Variants in RPA1 observed in about 807,000 individuals in gnomAD.
The protein encoded by RPA1 is replication protein A 70 kDa DNA-binding subunit.
In RPA1, 49 loss-of-function variants were observed where a neutral mutation model predicts 83.0. The observed-to-expected ratio is 0.59, with a 90% CI of 0.47 to 0.75. RPA1 has a LOEUF of 0.75. Ranked by LOEUF, RPA1 falls within the 30% of genes least tolerant of loss-of-function variation. The pLI is 0.00. For synonymous variants in RPA1, 279 were observed against 281.8 expected, an observed-to-expected ratio of 0.99 and a Z score of 0.10; for missense variants, 693 against 776.1, an observed-to-expected ratio of 0.89 and a Z score of 1.27.
chr17:1,893,507 C>G (rs537204077), intron 15 of RPA1, among the ~76,000 whole-genome samples: 201 of 152,354 alleles, frequency 1.3e-3, no homozygotes, highest in Non-Finnish European at 2.2e-3. Context: ...AGCAAAGCTG[C>G]TTTCACGCCG....
At chr17:1,860,772 G>A (rs886088758) in intron 5 of RPA1, among the ~76,000 whole-genome samples, 3 of 152,052 alleles carry the variant, frequency 2.0e-5, no homozygotes, top group Non-Finnish European at 2.9e-5. Flanking sequence ...CCTGGCCCTC[G>A]GACCGAATGC....
chr17:1,844,133 T>C, intron 3 of RPA1, 135 bp downstream of exon 3: 2 of 672,778 alleles, frequency 3.0e-6, no homozygotes, highest in South Asian at 3.8e-5. Context: ...TCAGACAGAA[T>C]TGCAGCTGTC....
At chr17:1,843,731 T>C (rs537199279) in intron 2 of RPA1, among the ~76,000 whole-genome samples, 189 bp from the exon 3 acceptor site, 1 of 151,878 alleles carries the variant, frequency 6.6e-6, no homozygotes, top group Admixed American at 6.6e-5. Flanking sequence ...TGTTTAATAA[T>C]GTTAGTGGAG....
rs149206291 is a variant in RPA1 at position 1,848,023 on chromosome 17, C to G, written c.272+3337C>G. 6.6e-5 allele frequency among the ~76,000 whole-genome samples: 10 copies of G among 151,698 alleles called. No homozygotes were observed. In the South Asian group the frequency reaches 2.1e-3, roughly 32 times the overall value. ...AGACCCCATCTCCAAAAAAAAAAAG[C>G]GTATCTCTGAATAGACAAATCCATA... On this transcript the variant is annotated intron_variant, in intron 4 of 16. Transcript: ENST00000254719.
intron 1 of RPA1, among the ~76,000 whole-genome samples, chr17:1,838,235 G>C (rs898225568): frequency 6.6e-6 from 1 of 152,028 alleles, no homozygotes; most frequent in Non-Finnish European, 1.5e-5. Context: ...AGCTTGTAGT[G>C]AGCCAAGATC....
intron 4 of RPA1, among the ~76,000 whole-genome samples, chr17:1,850,426 AC>A (rs951393662): frequency 1.1e-4 from 16 of 150,606 alleles, no homozygotes; most frequent in African/African-American, 3.9e-4. Flanking sequence ...AGTCCCAGCT[AC>A]TCGGGAGGCT....
At chr17:1,875,553 A>G (rs1913541158) in intron 6 of RPA1, 108 bp from the exon 7 acceptor site, 1 of 1,183,636 alleles carries the variant, frequency 8.4e-7, no homozygotes, top group Non-Finnish European at 1.2e-6. Context: ...CTCATGTTAT[A>G]TGATTTCACT....
intron 8 of RPA1, among the ~76,000 whole-genome samples, chr17:1,878,600 G>A (rs926719734): frequency 2.6e-5 from 4 of 152,186 alleles, no homozygotes; most frequent in African/African-American, 4.8e-5. Flanking sequence ...GGAGGGAGCC[G>A]GTGAATCACC....
At chr17:1,891,812 A>C in intron 14 of RPA1, 21 bp from the exon 15 acceptor site, 5 of 1,420,676 alleles carry the variant, frequency 3.5e-6, no homozygotes, top group Non-Finnish European at 4.9e-6. Context: ...TGCTGAAATA[A>C]TGTAGAATTG....
At chr17:1,882,015 C>T (rs964667104) in intron 12 of RPA1, among the ~76,000 whole-genome samples, 2 of 151,934 alleles carry the variant, frequency 1.3e-5, no homozygotes, top group African/African-American at 4.8e-5. Context: ...GGGATTTAGC[C>T]GCTTACCTGA....
At chr17:1,896,886 A>G (rs1017544821) in intron 16 of RPA1, among the ~76,000 whole-genome samples, 185 bp from the exon 17 acceptor site, 1 of 152,188 alleles carries the variant, frequency 6.6e-6, no homozygotes, top group Non-Finnish European at 1.5e-5. Flanking sequence ...TGCTGGAGAA[A>G]GGACCTGTTC....
rs377425051 is a variant in RPA1 at position 1,857,896 on chromosome 17, C to G, written c.361+4707C>G. ...CCACTATTAAGGTCTACCAGGTACT[C>G]TACTGCTCCAAGGAGATCTGAAAAT... On this transcript the variant is annotated intron_variant, in intron 5 of 16. Coordinates refer to ENST00000254719, the MANE Select transcript of RPA1 (RefSeq NM_002945.5). 1,734 of 1,540,662 alleles carry G rather than the reference C, an allele frequency of 1.1e-3. 20 individuals are homozygous for G. The African/African-American group carries it at 0.021, about 19-fold the overall frequency.
Position 1,891,740 on chromosome 17 carries a change from A to G in RPA1, c.1552-93A>G, listed in dbSNP as rs55673091. On this transcript the variant is annotated intron_variant, in intron 14 of 16. Transcript: ENST00000254719. ...CTGGCCCTCTCTGGAAATTATTTTA[A>G]TAAGTGGAAAAAGAACATTAACCTC... is the stretch of plus-strand genomic sequence containing the variant. 32 of 845,308 alleles carry G rather than the reference A, an allele frequency of 3.8e-5. No homozygotes were observed. In the African/African-American group the frequency reaches 4.0e-4, roughly 10 times the overall value. The allele number at this position is 845,308 out of a possible 1,614,324, so 52.4% of individuals were successfully genotyped here. A position where few individuals can be genotyped will look rare whatever the true frequency, so the allele number is the denominator to read the frequency against.
intron 5 of RPA1, among the ~76,000 whole-genome samples, chr17:1,866,647 T>G (rs370798888): frequency 1.4e-4 from 18 of 129,604 alleles, no homozygotes; most frequent in Admixed American, 3.8e-4. Flanking sequence ...TTTTAATAGA[T>G]ATGGGGTTTT....
At chr17:1,866,017 G>A (rs1913161840) in intron 5 of RPA1, among the ~76,000 whole-genome samples, 3 of 152,088 alleles carry the variant, frequency 2.0e-5, no homozygotes, top group African/African-American at 7.2e-5. Flanking sequence ...AAGCTTGGCA[G>A]ATCGCTTGAG....
At chr17:1,880,467 T>A in intron 11 of RPA1, 76 bp from the exon 12 acceptor site, 2 of 1,495,958 alleles carry the variant, frequency 1.3e-6, no homozygotes, top group South Asian at 1.2e-5. Flanking sequence ...ATTGAATGTT[T>A]GCCTTGTTTT....
At chr17:1,888,921 G>T in intron 14 of RPA1, 70 bp downstream of exon 14, 1 of 1,515,678 alleles carries the variant, frequency 6.6e-7, no homozygotes, top group Non-Finnish European at 9.0e-7. Flanking sequence ...AGGCACTGTG[G>T]TCACAACAGT....
intron 5 of RPA1, chr17:1,858,393 A>C (rs999738624): frequency 1.3e-6 from 2 of 1,595,636 alleles, no homozygotes; most frequent in African/African-American, 2.7e-5. Context: ...GCTGAGGGCT[A>C]AAGTGGGCTC....
chr17:1,884,025 C>T lies in RPA1; in HGVS notation c.1374+81C>T. Reference sequence around the variant, plus strand: ...GATTTAGAAACTTGGTTTCCAGCACCAGCTGTCAGAGCCGTAATTCTTACC... The same window carrying T: ...GATTTAGAAACTTGGTTTCCAGCACTAGCTGTCAGAGCCGTAATTCTTACC... On this transcript the variant is annotated intron_variant, in intron 13 of 16. Transcript: ENST00000254719. The surrounding 1 kb of genome is among the most constrained non-coding windows in gnomAD (Gnocchi z 4.1). 1.3e-6 allele frequency: 2 copies of T among 1,575,362 alleles called. No individual in the cohort carries two copies. Among genetic ancestry groups the T allele is most frequent in the Admixed American group, 1.7e-5 (1 of 57,948 alleles).
Sources: allele counts gnomAD v4.1 joint callset (sites outside exome capture counted in the v4.1 genomes callset), GRCh38; gene constraint gnomAD v4.1.1; non-coding constraint Gnocchi (gnomAD v3.1); transcripts MANE v1.5; gene names NCBI Gene and HGNC (gene_info 2026-07-23, HGNC 2026-07-21).